GSK3B: variants seen among roughly 807,000 people sequenced by gnomAD.
GSK3B encodes glycogen synthase kinase 3 beta.
A neutral mutation model predicts 56.4 loss-of-function variants in GSK3B; 15 were observed. The ratio of observed to expected loss-of-function variants is 0.27; its 90% CI spans 0.18 to 0.41. The LOEUF is 0.41. Ranked by LOEUF, GSK3B falls within the 10% of genes least tolerant of loss-of-function variation. The pLI, the probability that GSK3B is intolerant of heterozygous loss-of-function variation, is 1.00. For synonymous variants in GSK3B, 181 were observed against 188.9 expected, an observed-to-expected ratio of 0.96 and a Z score of 0.34; for missense variants, 300 against 513.4, an observed-to-expected ratio of 0.58 and a Z score of 4.02.
chr3:119,842,997 C>T (rs542302604), intron 10 of GSK3B, among the ~76,000 whole-genome samples: 2 of 151,932 alleles, frequency 1.3e-5, no homozygotes, highest in Admixed American at 1.3e-4. Context: ...CTCAATGCAA[C>T]CTCCGCCTCC....
intron 2 of GSK3B, among the ~76,000 whole-genome samples, chr3:119,986,326 T>C (rs2057515088): frequency 6.6e-6 from 1 of 152,008 alleles, no homozygotes; most frequent in Non-Finnish European, 1.5e-5. Context: ...AAAGCCAAAA[T>C]AGACAAATGG....
chr3:119,969,213 A>G (rs577200177), intron 2 of GSK3B, among the ~76,000 whole-genome samples: 2 of 151,112 alleles, frequency 1.3e-5, no homozygotes, highest in Admixed American at 6.6e-5. Flanking sequence ...AATTGCTTGA[A>G]CCCAGGAGGC....
At chr3:119,890,717 A>T (rs546495061) in intron 7 of GSK3B, among the ~76,000 whole-genome samples, 2 of 150,108 alleles carry the variant, frequency 1.3e-5, no homozygotes, top group East Asian at 4.0e-4. Context: ...CATATAAATT[A>T]TATTTCTATT....
intron 7 of GSK3B, among the ~76,000 whole-genome samples, chr3:119,895,835 G>C (rs1273190670): frequency 6.6e-6 from 1 of 152,006 alleles, no homozygotes; most frequent in Non-Finnish European, 1.5e-5. Context: ...TTGAAAACAA[G>C]AAGTGTGGCT....
intron 7 of GSK3B, among the ~76,000 whole-genome samples, chr3:119,887,646 G>C (rs1336591868): frequency 6.6e-6 from 1 of 152,000 alleles, no homozygotes; most frequent in African/African-American, 2.4e-5. Flanking sequence ...GTCTGATGGT[G>C]GGAAGTATGG....
intron 3 of GSK3B, among the ~76,000 whole-genome samples, chr3:119,925,355 A>G (rs1466341327): frequency 1.3e-5 from 2 of 152,104 alleles, no homozygotes; most frequent in Admixed American, 6.6e-5. Context: ...CAATAATTAT[A>G]CACTTTCCTG....
rs1370333760 is a variant in GSK3B, at chr3:119,825,611, T to C, written c.*1177A>G. The C allele has an allele frequency of 3.1e-5, 7 of 228,828 alleles. No individual in the cohort carries two copies. The highest frequency in any genetic ancestry group is 8.7e-6 in the Non-Finnish European group (1 of 115,452). The allele number at this position is 228,828 out of a possible 1,614,324, so 14.2% of individuals were successfully genotyped here. ...TGTAGTTTTTAATATTTCTACCATC[T>C]GACATGCATCAATAAATAAATGTAA... is the stretch of plus-strand genomic sequence containing the variant. On this transcript the variant is annotated 3_prime_UTR_variant, in exon 11 of 11. Coordinates refer to ENST00000264235, the MANE Select transcript of GSK3B (RefSeq NM_001146156.2).
chr3:119,973,907 C>T (rs1559859866), intron 2 of GSK3B, among the ~76,000 whole-genome samples: 1 of 152,018 alleles, frequency 6.6e-6, no homozygotes, highest in South Asian at 2.1e-4. Context: ...TGGACAGACA[C>T]AATTAAAGAA....
At chr3:119,978,087 C>A (rs2057424201) in intron 2 of GSK3B, among the ~76,000 whole-genome samples, 1 of 152,106 alleles carries the variant, frequency 6.6e-6, no homozygotes, top group Admixed American at 6.5e-5. Flanking sequence ...GCCCCTCATT[C>A]TAAAATTCAC....
chr3:119,973,241 T>A (rs1416481229), intron 2 of GSK3B, among the ~76,000 whole-genome samples: 1 of 152,210 alleles, frequency 6.6e-6, no homozygotes, highest in East Asian at 1.9e-4. Context: ...TCAACCACAG[T>A]TCCAAAATAT....
intron 2 of GSK3B, among the ~76,000 whole-genome samples, chr3:119,970,613 TAAAAAAAAAAA>T (rs1170925404): frequency 2.6e-5 from 3 of 114,252 alleles, no homozygotes; most frequent in South Asian, 5.6e-4. Flanking sequence ...CTACTAAAAT[TAAAAAAAAAAA>T]AAAAAAAAAA....
chr3:119,972,806 A>C (rs555819923), intron 2 of GSK3B, among the ~76,000 whole-genome samples: 1 of 152,172 alleles, frequency 6.6e-6, no homozygotes. Flanking sequence ...TGTAGGACCT[A>C]TGAAAAACTA....
intron 8 of GSK3B, among the ~76,000 whole-genome samples, chr3:119,865,454 ATATATATATATATTTTTTTTTTT>A (rs1295710665): frequency 1.6e-4 from 3 of 18,976 alleles, no homozygotes; most frequent in African/African-American, 3.4e-4. Flanking sequence ...ATATATATAT[ATATATATATATATTTTTTTTTTT>A]TTTTTTTTTT....
intron 1 of GSK3B, among the ~76,000 whole-genome samples, chr3:120,042,045 A>C (rs985911053): frequency 1.3e-5 from 2 of 152,228 alleles, no homozygotes; most frequent in African/African-American, 2.4e-5. Flanking sequence ...GTTCACAAGG[A>C]ATTAATCACC....
Position 119,886,991 on chromosome 3 carries a change from C to A in GSK3B, c.814-10483G>T, listed in dbSNP as rs551705328. Among the ~76,000 whole-genome samples, 4 of 151,984 alleles carry A rather than the reference C, an allele frequency of 2.6e-5. No homozygotes were observed. In the East Asian group the frequency reaches 7.7e-4, roughly 29 times the overall value. ...CCAGGTAACAAACTTGCACATGTAC[C>A]CCTGAATCTAAAATAAAAGTTGGAA... is the stretch of plus-strand genomic sequence containing the variant. On this transcript the variant is annotated intron_variant, in intron 7 of 10. Coordinates refer to ENST00000264235, the MANE Select transcript of GSK3B (RefSeq NM_001146156.2).
At chr3:119,995,798 C>T (rs1435260109) in intron 2 of GSK3B, among the ~76,000 whole-genome samples, 2 of 146,884 alleles carry the variant, frequency 1.4e-5, no homozygotes, top group South Asian at 2.1e-4. Context: ...AGTGCAGTGG[C>T]GCAATCTTGG....
chr3:119,863,349 T>TCACACCC (rs2056133404), intron 9 of GSK3B, 70 bp downstream of exon 9: 1 of 1,222,494 alleles, frequency 8.2e-7, no homozygotes, highest in African/African-American at 1.5e-5. Context: ...TTTTAATTAA[T>TCACACCC]AGAATGTCAT....
At chr3:119,917,671 TAA>T (rs11286440) in intron 4 of GSK3B, among the ~76,000 whole-genome samples, 2 of 144,850 alleles carry the variant, frequency 1.4e-5, no homozygotes, top group African/African-American at 5.1e-5. Flanking sequence ...TTTTTTTTTT[TAA>T]AAAAAAAAAG....
intron 1 of GSK3B, among the ~76,000 whole-genome samples, chr3:120,037,590 C>T (rs985149819): frequency 6.6e-6 from 1 of 151,512 alleles, no homozygotes; most frequent in Non-Finnish European, 1.5e-5. Flanking sequence ...GACTGGGTGA[C>T]AGGGAGAGAC....
Sources: allele counts gnomAD v4.1 joint callset (sites outside exome capture counted in the v4.1 genomes callset), GRCh38; gene constraint gnomAD v4.1.1; transcripts MANE v1.5; gene names NCBI Gene and HGNC (gene_info 2026-07-23, HGNC 2026-07-21).